Variants in PCM1 observed in about 807,000 individuals in gnomAD.
PCM1 encodes the protein pericentriolar material 1, also known as pericentriolar material 1 protein.
A neutral mutation model predicts 241.9 loss-of-function variants in PCM1; 157 were observed. The observed-to-expected ratio is 0.65, with a 90% CI of 0.57 to 0.74. PCM1 has a LOEUF of 0.74. PCM1 is among the 30% of genes least tolerant of loss of function. PCM1 has a pLI of 0.00. For missense variants in PCM1, 3,478 were observed against 2,360.1 expected, an observed-to-expected ratio of 1.47 and a Z score of -9.81; for synonymous variants, 1,085 against 784.9, an observed-to-expected ratio of 1.38 and a Z score of -6.39.
intron 36 of PCM1, among the ~76,000 whole-genome samples, chr8:18,021,231 T>C (rs1016829425): frequency 2.0e-5 from 3 of 152,098 alleles, no homozygotes; most frequent in African/African-American, 4.8e-5. Flanking sequence ...AAACTGTCAT[T>C]ATTATTAAAG....
In PCM1 at chr8:18,010,617, G is replaced by GT; in HGVS notation, c.5169_5170insT (p.Ile1724TyrfsTer3). On this transcript the variant is annotated frameshift_variant, in exon 32 of 39. Coordinates refer to ENST00000325083, the MANE Select transcript of PCM1 (RefSeq NM_006197.4). LOFTEE classifies it high-confidence loss of function. ...ATTGATTTGTTTTAAAGGCTAAAAG[G>GT]ATTCTTGAAGATCATGGCTCACCTG... 6.3e-7 allele frequency: 1 copy of GT among 1,598,134 alleles called. No individual in the cohort carries two copies. The highest frequency in any genetic ancestry group is 1.4e-5 in the African/African-American group (1 of 72,154).
At chr8:17,936,279 A>T (rs2129449048) in intron 3 of PCM1, among the ~76,000 whole-genome samples, 1 of 152,304 alleles carries the variant, frequency 6.6e-6, no homozygotes, top group South Asian at 2.1e-4. Flanking sequence ...AAGTAGTGTA[A>T]CAGGTTGGCA....
At chr8:18,015,405 C>T (rs1252497234) in intron 36 of PCM1, among the ~76,000 whole-genome samples, 2 of 152,184 alleles carry the variant, frequency 1.3e-5, no homozygotes, top group Admixed American at 6.6e-5. Flanking sequence ...AATGAAACTT[C>T]ACTTGGGTCA....
chr8:18,021,500 A>G (rs1191284848), intron 36 of PCM1, among the ~76,000 whole-genome samples: 1 of 152,208 alleles, frequency 6.6e-6, no homozygotes, highest in Non-Finnish European at 1.5e-5. Context: ...CCCTTATAGA[A>G]AGGCTGATGC....
chr8:17,959,163 A>G (rs1246673633), intron 13 of PCM1, among the ~76,000 whole-genome samples: 1 of 152,104 alleles, frequency 6.6e-6, no homozygotes, highest in Admixed American at 6.6e-5. Context: ...CTTTGTTTTT[A>G]CAAACTGTAT....
At chr8:18,014,307 G>A (rs2092899516) in intron 35 of PCM1, among the ~76,000 whole-genome samples, 1 of 151,264 alleles carries the variant, frequency 6.6e-6, no homozygotes, top group East Asian at 1.9e-4. Context: ...AATAATGGTA[G>A]ATTTAAAAAA....
chr8:18,013,296 G>A (rs1273095621), intron 34 of PCM1, among the ~76,000 whole-genome samples: 2 of 152,150 alleles, frequency 1.3e-5, no homozygotes, highest in Middle Eastern at 3.4e-3. Context: ...AAGTAATTGT[G>A]GTTTTGGTCA....
At chr8:17,967,305 C>CTT (rs71304948) in intron 21 of PCM1, 135 bp downstream of exon 21, 59,585 of 505,222 alleles carry the variant, frequency 0.12, 1,358 homozygotes, top group East Asian at 0.26. Context: ...GTTACAAACT[C>CTT]TTTTTTTTTT....
At chr8:17,955,724 T>G (rs1272149742) in intron 10 of PCM1, 71 bp downstream of exon 10, 2 of 1,161,456 alleles carry the variant, frequency 1.7e-6, no homozygotes, top group African/African-American at 3.1e-5. Flanking sequence ...TTTTTTATGT[T>G]GAAAATTCTG....
At chr8:18,001,836 ACTG>A (rs2089535430) in intron 29 of PCM1, among the ~76,000 whole-genome samples, 1 of 151,956 alleles carries the variant, frequency 6.6e-6, no homozygotes, top group African/African-American at 2.4e-5. Context: ...ACCTGTAGAA[ACTG>A]CTTTCTCTGT....
intron 34 of PCM1, among the ~76,000 whole-genome samples, chr8:18,012,390 G>A (rs1430863407): frequency 6.6e-6 from 1 of 152,068 alleles, no homozygotes; most frequent in East Asian, 1.9e-4. Context: ...AAGCACAAGA[G>A]AATTAATTAT....
In PCM1 at chr8:18,014,733, G is replaced by A. The variant is rs779453029; in HGVS notation, c.5734G>A (p.Glu1912Lys). 2.5e-6 allele frequency: 4 copies of A among 1,612,882 alleles called. No individual in the cohort carries two copies. The highest frequency in any genetic ancestry group is 3.4e-6 in the Non-Finnish European group (4 of 1,179,828). The change falls in exon 36 of 39, where the codon GAA becomes AAA. Residue 1912 changes from glutamate (E) to lysine (K), a missense_variant. By Grantham distance (56) the Glu-to-Lys change is moderately conservative. Transcript: ENST00000325083. ...NPLPLRLPEMEPLVPRVKEVK... is the reference protein window; with the variant it reads ...NPLPLRLPEMKPLVPRVKEVK... ...TTTGCCGTTACGTTTACCTGAAATG[G>A]AACCCTTAGTGCCTAGAGTCAAAGA... is the stretch of plus-strand genomic sequence containing the variant.
At chr8:17,986,302 G>T in intron 26 of PCM1, 1 of 334,748 alleles carries the variant, frequency 3.0e-6, no homozygotes, top group South Asian at 8.0e-5. Context: ...ATGTATGATA[G>T]ATTATGAGGT....
At chr8:17,966,296 A>G (rs374633666) in intron 19 of PCM1, 32 bp from the exon 20 acceptor site, 18 of 1,610,604 alleles carry the variant, frequency 1.1e-5, no homozygotes, top group Non-Finnish European at 1.5e-5. Flanking sequence ...TCAAGTCATC[A>G]GTAACTATTA....
intron 6 of PCM1, among the ~76,000 whole-genome samples, chr8:17,946,869 G>GTGTCCA (rs2063995035): frequency 6.7e-6 from 1 of 149,584 alleles, no homozygotes; most frequent in South Asian, 2.1e-4. Context: ...GTGTGTGTGT[G>GTGTCCA]TGTCCATGTG....
chr8:17,996,129 G>A (rs2410482), intron 29 of PCM1, among the ~76,000 whole-genome samples: 2 of 152,116 alleles, frequency 1.3e-5, no homozygotes, highest in Non-Finnish European at 2.9e-5. Context: ...CAAAGGAATG[G>A]CTTTCAGTGT....
intron 36 of PCM1, among the ~76,000 whole-genome samples, chr8:18,022,316 A>G (rs2093819207): frequency 6.6e-6 from 1 of 152,236 alleles, no homozygotes; most frequent in Non-Finnish European, 1.5e-5. Context: ...TTGGTTTTGC[A>G]TTAACACAAA....
rs2092478135 is a variant in PCM1 at position 18,011,386 on chromosome 8, A to ACTGT, written c.5350+22_5350+23insGTCT. 6.5e-7 allele frequency: 1 copy of ACTGT among 1,532,616 alleles called. No homozygotes were observed. Among genetic ancestry groups the ACTGT allele is most frequent in the Non-Finnish European group, 8.7e-7 (1 of 1,146,308 alleles). The allele number at this position is 1,532,616 out of a possible 1,614,324, so 94.9% of individuals were successfully genotyped here. A position where few individuals can be genotyped will look rare whatever the true frequency, so the allele number is the denominator to read the frequency against. ...CTATTAGTAAGTTTAAAGGCTCTGT[A>ACTGT]CTATCTTTATACTTTAGTTTTTTGT... On this transcript the variant is annotated intron_variant, in intron 33 of 38. Transcript: ENST00000325083.
At chr8:18,016,952 A>AAAC (rs1200815243) in intron 36 of PCM1, among the ~76,000 whole-genome samples, 5 of 152,224 alleles carry the variant, frequency 3.3e-5, no homozygotes, top group Non-Finnish European at 7.3e-5. Context: ...GGAAAATCCA[A>AAAC]AACAGTTTGC....
Sources: allele counts gnomAD v4.1 joint callset (sites outside exome capture counted in the v4.1 genomes callset), GRCh38; gene constraint gnomAD v4.1.1; transcripts MANE v1.5; gene names NCBI Gene and HGNC (gene_info 2026-07-23, HGNC 2026-07-21).